The following PPFIA2 variants were observed in gnomAD, a reference collection of about 807,000 sequenced individuals.
PPFIA2 encodes the protein PPFI scaffold protein A2.
Under a neutral mutation model 175.5 loss-of-function variants are expected in PPFIA2, and 46 were observed. That is an observed-to-expected ratio of 0.26 (90% confidence interval 0.21 to 0.34). The LOEUF (loss-of-function observed/expected upper bound fraction) is 0.34, where lower values mean the gene tolerates loss of function less well. Among genes scored for constraint, PPFIA2 ranks in the 10% least tolerant of loss-of-function variants. The pLI is 1.00. For missense variants in PPFIA2, 1,179 were observed against 1,506.1 expected (o/e 0.78, Z 3.60); for synonymous variants, 568 against 511.4 (o/e 1.11, Z -1.49).
intron 4 of PPFIA2, among the ~76,000 whole-genome samples, chr12:81,664,477 C>G (rs2069678649): frequency 6.6e-6 from 1 of 152,038 alleles, no homozygotes; most frequent in African/African-American, 2.4e-5. Flanking sequence ...CAAATCAAAA[C>G]CACAATAAGA....
At chr12:81,423,008 C>A (rs1488997078) in intron 7 of PPFIA2, among the ~76,000 whole-genome samples, 1 of 152,078 alleles carries the variant, frequency 6.6e-6, no homozygotes, top group African/African-American at 2.4e-5. Context: ...TATAACCCAG[C>A]AAACTGCAGA....
intron 4 of PPFIA2, among the ~76,000 whole-genome samples, chr12:81,511,395 T>G (rs2061779315): frequency 6.6e-6 from 1 of 151,998 alleles, no homozygotes. Flanking sequence ...TAATTAGAAA[T>G]GAACATCAAG....
At chr12:81,647,980 G>A (rs997536792) in intron 4 of PPFIA2, among the ~76,000 whole-genome samples, 1 of 147,006 alleles carries the variant, frequency 6.8e-6, no homozygotes. Flanking sequence ...TAGAAGACAA[G>A]GGAGCAACAC....
intron 4 of PPFIA2, among the ~76,000 whole-genome samples, chr12:81,486,807 T>TCAAGAAATAATTTTTATATAA: frequency 6.6e-6 from 1 of 151,908 alleles, no homozygotes; most frequent in South Asian, 2.1e-4. Context: ...TTAGTCCACC[T>TCAAGAAATAATTTTTATATAA]CAAGAAATAA....
intron 3 of PPFIA2, among the ~76,000 whole-genome samples, chr12:81,680,123 G>C (rs1395695744): frequency 1.3e-5 from 2 of 151,784 alleles, no homozygotes; most frequent in Non-Finnish European, 2.9e-5. Flanking sequence ...ACTTACTATT[G>C]TAAAAATATT....
In PPFIA2 at chr12:81,521,827, A is replaced by C. The variant is rs544170753; in HGVS notation, c.304-63961T>G. Among the ~76,000 whole-genome samples the C allele has an allele frequency of 3.3e-3, 507 of 152,052 alleles. 5 individuals carry two copies. Among genetic ancestry groups the C allele is most frequent in the South Asian group, 0.019 (93 of 4,818 alleles). The stretch of plus-strand genomic sequence containing the variant: ...AGAGCAACTCCATCTCACAAAAAAA[A>C]AAAAAAAAATTATTGCACATTTTTT... On this transcript the variant is annotated intron_variant, in intron 4 of 32. Transcript: ENST00000549396.
At chr12:81,595,562 T>C (rs1452098570) in intron 4 of PPFIA2, among the ~76,000 whole-genome samples, 1 of 152,106 alleles carries the variant, frequency 6.6e-6, no homozygotes, top group Non-Finnish European at 1.5e-5. Context: ...ATAAAACTGA[T>C]GATTCACACA....
chr12:81,389,612 G>C (rs2039720318), intron 8 of PPFIA2, among the ~76,000 whole-genome samples: 1 of 152,044 alleles, frequency 6.6e-6, no homozygotes, highest in African/African-American at 2.4e-5. Context: ...TGAGCTTACT[G>C]TGTGTCTTAA....
rs540488552 is a variant in PPFIA2, at chr12:81,619,128, T to C, written c.303+57663A>G. 5.1e-4 allele frequency among the ~76,000 whole-genome samples: 78 copies of C among 152,316 alleles called. 1 individual carries two copies. The South Asian group carries it at 0.016, about 31-fold the overall frequency. ...TAGAAACTTGATTTTTTTTGTCCTA[T>C]ATGTTACTTACTACATTCTTCTCTT... On this transcript the variant is annotated intron_variant, in intron 4 of 32. Coordinates refer to ENST00000549396, the MANE Select transcript of PPFIA2 (RefSeq NM_003625.5).
chr12:81,388,976 C>A (rs1190903471), intron 8 of PPFIA2, among the ~76,000 whole-genome samples: 1 of 151,712 alleles, frequency 6.6e-6, no homozygotes, highest in Non-Finnish European at 1.5e-5. Context: ...ATCACTCACA[C>A]ACCCCAAGCC....
chr12:81,276,270 G>A lies in PPFIA2; in HGVS notation c.3310+1047C>T, dbSNP rs147773453. On this transcript the variant is annotated intron_variant, in intron 28 of 32. Transcript: ENST00000549396. The stretch of plus-strand genomic sequence containing the variant: ...TGATAGTCATTGGAGTCTCAGAAGG[G>A]TGGGAGGCTGGGAGGGTGGCGAAAG... 2.9e-3 allele frequency among the ~76,000 whole-genome samples: 437 copies of A among 152,278 alleles called. 3 individuals are homozygous for A. The highest frequency in any genetic ancestry group is 4.5e-3 in the Non-Finnish European group (304 of 68,038).
intron 4 of PPFIA2, among the ~76,000 whole-genome samples, chr12:81,521,901 G>C (rs1046450325): frequency 1.3e-5 from 2 of 151,594 alleles, no homozygotes; most frequent in African/African-American, 2.4e-5. Context: ...ATCCAGGACT[G>C]CTCAATTTTG....
chr12:81,276,057 T>C (rs993462158), intron 28 of PPFIA2, among the ~76,000 whole-genome samples: 6 of 152,214 alleles, frequency 3.9e-5, no homozygotes, highest in Non-Finnish European at 7.3e-5. Flanking sequence ...GTGCTGCGAT[T>C]ACAGGCGTGA....
chr12:81,589,809 AT>A (rs555616818), intron 4 of PPFIA2, among the ~76,000 whole-genome samples: 2 of 151,776 alleles, frequency 1.3e-5, no homozygotes, highest in Admixed American at 1.3e-4. Context: ...ACTCATCTGC[AT>A]TTTTTTTAAA....
chr12:81,503,970 A>G (rs2060864668), intron 4 of PPFIA2, among the ~76,000 whole-genome samples: 1 of 152,066 alleles, frequency 6.6e-6, no homozygotes. Flanking sequence ...AATAAATTTA[A>G]TTTGAGCAAA....
intron 19 of PPFIA2, among the ~76,000 whole-genome samples, chr12:81,342,435 A>G (rs2058278364): frequency 6.6e-6 from 1 of 152,112 alleles, no homozygotes; most frequent in Non-Finnish European, 1.5e-5. Context: ...GCTGTTATTT[A>G]TAAATGTGTT....
chr12:81,506,622 CTT>C (rs1164768792), intron 4 of PPFIA2, among the ~76,000 whole-genome samples: 1 of 152,106 alleles, frequency 6.6e-6, no homozygotes, highest in African/African-American at 2.4e-5. Flanking sequence ...TTGAAACTAA[CTT>C]TTGTCAAGAT....
Position 81,406,610 on chromosome 12 carries a change from T to C in PPFIA2, c.646-707A>G, listed in dbSNP as rs1446279230. The stretch of plus-strand genomic sequence containing the variant: ...CTTATAGCATAAGTGATCCTAGTAA[T>C]AGAGTGAAAAATAGTATTTCAGTCT... On this transcript the variant is annotated intron_variant, in intron 7 of 32. Transcript: ENST00000549396. Among the ~76,000 whole-genome samples, 8 of 152,178 alleles carry C rather than the reference T, an allele frequency of 5.3e-5. 1 individual carries two copies. The South Asian group carries it at 1.2e-3, about 24-fold the overall frequency.
intron 21 of PPFIA2, among the ~76,000 whole-genome samples, chr12:81,335,744 AAAC>A (rs142716386): frequency 0.045 from 6,726 of 149,432 alleles, 367 homozygotes; most frequent in African/African-American, 0.12. Context: ...TTCTGTCTAA[AAAC>A]AACAACAACA....
Sources: gnomAD v4.1 joint callset for allele counts (sites outside exome capture counted in the v4.1 genomes callset) on GRCh38, gnomAD v4.1.1 for gene constraint, MANE v1.5 for transcripts, NCBI Gene and HGNC (gene_info 2026-07-23, HGNC 2026-07-21) for gene names.